TCAF1: variants seen among roughly 807,000 people sequenced by gnomAD.
TCAF1 encodes TRPM8 channel-associated factor 1.
TCAF1 carries 4 observed loss-of-function variants against 27.3 expected under a neutral mutation model. The observed-to-expected ratio is 0.15, with a 90% CI of 0.07 to 0.34. TCAF1 has a LOEUF of 0.34. Among genes scored for constraint, TCAF1 ranks in the 10% least tolerant of loss-of-function variants. The probability of loss-of-function intolerance (pLI) is 1.00; values close to 1 mark genes in which losing one functional copy is unlikely to be tolerated. For synonymous variants in TCAF1, 105 were observed against 167.1 expected (o/e 0.63, Z 2.87); for missense variants, 257 against 425.8 (o/e 0.60, Z 3.49).
chr7:143,889,337 A>G (rs1382473822), intron 1 of TCAF1, among the ~76,000 whole-genome samples: 1 of 152,206 alleles, frequency 6.6e-6, no homozygotes, highest in East Asian at 1.9e-4. Flanking sequence ...AAAATGATAA[A>G]AAGAAATACT....
Position 143,852,207 on chromosome 7 carries a change from T to C in TCAF1, c.*1926A>G, listed in dbSNP as rs1032910151. On this transcript the variant is annotated 3_prime_UTR_variant, in exon 9 of 9. Coordinates refer to ENST00000479870, the MANE Select transcript of TCAF1 (RefSeq NM_014719.3). ...AATTTTTTGACATATTGTTGATTTG[T>C]CTTTCTTTTTTCTTGACTAAATAAT... 1 of 151,784 alleles carries C rather than the reference T, an allele frequency of 6.6e-6. No individual in the cohort carries two copies. The highest frequency in any genetic ancestry group is 6.6e-5 in the Admixed American group (1 of 15,124). 9.4% of individuals were successfully genotyped at this position (151,784 alleles called of 1,614,324 possible). A position where few individuals can be genotyped will look rare whatever the true frequency, so the allele number is the denominator to read the frequency against.
At chr7:143,881,110 C>G (rs1489990268) in intron 1 of TCAF1, among the ~76,000 whole-genome samples, 2 of 152,138 alleles carry the variant, frequency 1.3e-5, no homozygotes, top group Non-Finnish European at 2.9e-5. Context: ...CTGGTTTTCC[C>G]TTTGAGAGAT....
intron 1 of TCAF1, among the ~76,000 whole-genome samples, chr7:143,884,040 A>T (rs1325545734): frequency 6.6e-6 from 1 of 152,166 alleles, no homozygotes; most frequent in Non-Finnish European, 1.5e-5. Context: ...TACAACGGGG[A>T]TGAGAAAAGT....
At chr7:143,899,324 A>G (rs1379666960) in intron 1 of TCAF1, among the ~76,000 whole-genome samples, 1 of 152,254 alleles carries the variant, frequency 6.6e-6, no homozygotes, top group African/African-American at 2.4e-5. Context: ...TAATAAAACT[A>G]TAGTGGTTAA....
chr7:143,887,870 T>A (rs1045008410), intron 1 of TCAF1, among the ~76,000 whole-genome samples: 3 of 152,178 alleles, frequency 2.0e-5, no homozygotes, highest in African/African-American at 7.2e-5. Context: ...ATTGTTATAT[T>A]TACATAAATA....
chr7:143,894,000 GAC>G (rs924531849), intron 1 of TCAF1, among the ~76,000 whole-genome samples: 3 of 151,520 alleles, frequency 2.0e-5, no homozygotes, highest in African/African-American at 2.4e-5. Context: ...TCAATAAAGA[GAC>G]ACAGAGAGAG....
At chr7:143,885,151 A>G (rs80164383) in intron 1 of TCAF1, 108,020 of 985,356 alleles carry the variant, frequency 0.11, 6,252 homozygotes, top group East Asian at 0.25. Flanking sequence ...CCGCCCCTGA[A>G]TTGGTCCGTG....
At chr7:143,882,716 T>C in intron 1 of TCAF1, 1 of 979,412 alleles carries the variant, frequency 1.0e-6, no homozygotes, top group Non-Finnish European at 1.2e-6. Flanking sequence ...CCTGCCAGGC[T>C]TTTGGAGAGG....
chr7:143,859,895 T>TACACAC (rs1563210943), intron 6 of TCAF1, among the ~76,000 whole-genome samples: 1 of 84,932 alleles, frequency 1.2e-5, no homozygotes, highest in African/African-American at 4.5e-5. Context: ...ATATAATATA[T>TACACAC]ATTATATAAT....
intron 1 of TCAF1, among the ~76,000 whole-genome samples, chr7:143,892,625 C>A (rs1248513809): frequency 6.6e-6 from 1 of 150,604 alleles, no homozygotes; most frequent in Non-Finnish European, 1.5e-5. Context: ...CTCACTGCAA[C>A]CTTGCTTAAA....
intron 1 of TCAF1, among the ~76,000 whole-genome samples, chr7:143,901,667 G>C (rs1814118186): frequency 6.6e-6 from 1 of 152,182 alleles, no homozygotes; most frequent in Non-Finnish European, 1.5e-5. Context: ...AAATCGCCTC[G>C]AGGGTTCCTG....
At chr7:143,895,320 C>T (rs1813821277) in intron 1 of TCAF1, among the ~76,000 whole-genome samples, 1 of 151,708 alleles carries the variant, frequency 6.6e-6, no homozygotes, top group Admixed American at 6.6e-5. Context: ...TATACTTATA[C>T]AATACTATAG....
chr7:143,859,895 T>TACA lies in TCAF1; in HGVS notation c.2167+312_2167+313insTGT, dbSNP rs1563210943. Among the ~76,000 whole-genome samples the TACA allele has an allele frequency of 7.3e-3, 619 of 84,646 alleles. 23 individuals carry two copies. The highest frequency in any genetic ancestry group is 0.015 in the East Asian group (47 of 3,224). The allele number at this position is 84,646 out of a possible 152,430, so 55.5% of individuals were successfully genotyped here. A position where few individuals can be genotyped will look rare whatever the true frequency, so the allele number is the denominator to read the frequency against. ...TACATATATACATATATATAATATATATTATATAATATATATTACGGAATA... is the reference window on the plus strand; with the variant it reads ...TACATATATACATATATATAATATATACAATTATATAATATATATTACGGAATA... On this transcript the variant is annotated intron_variant, in intron 6 of 8. Coordinates refer to ENST00000479870, the MANE Select transcript of TCAF1 (RefSeq NM_014719.3).
chr7:143,852,483 C>T lies in TCAF1; in HGVS notation c.*1650G>A, dbSNP rs1239860994. The T allele has an allele frequency of 2.6e-5, 4 of 153,424 alleles. No homozygotes were observed. Among genetic ancestry groups the T allele is most frequent in the Non-Finnish European group, 5.9e-5 (4 of 68,232 alleles). 9.5% of individuals were successfully genotyped at this position (153,424 alleles called of 1,614,324 possible). ...TTTGCTGGAGAATTTCCTCAAGATA[C>T]TTCCTCAGTAAGGGTGCAAAGGAGA... On this transcript the variant is annotated 3_prime_UTR_variant, in exon 9 of 9. Transcript: ENST00000479870.
chr7:143,869,161 C>G (rs1260135899), intron 2 of TCAF1, among the ~76,000 whole-genome samples: 1 of 150,088 alleles, frequency 6.7e-6, no homozygotes, highest in Non-Finnish European at 1.5e-5. Flanking sequence ...CAACACCATG[C>G]CCAGCTAACT....
intron 6 of TCAF1, among the ~76,000 whole-genome samples, chr7:143,859,862 T>TACATATATATATATAC (rs377600497): frequency 0.42 from 26,280 of 62,896 alleles, 6,564 homozygotes; most frequent in South Asian, 0.59. Flanking sequence ...CTGTTTTATA[T>TACATATATATATATAC]ACACATATAC....
At chr7:143,876,942 TG>T (rs1245748183) in intron 1 of TCAF1, among the ~76,000 whole-genome samples, 2 of 152,236 alleles carry the variant, frequency 1.3e-5, no homozygotes, top group African/African-American at 2.4e-5. Context: ...AGGACTTATT[TG>T]GAAAGAGGTC....
At chr7:143,860,020 T>TTATATATTATATATAATATATAA (rs1811915236) in intron 6 of TCAF1, among the ~76,000 whole-genome samples, 188 bp downstream of exon 6, 1 of 13,756 alleles carries the variant, frequency 7.3e-5, no homozygotes, top group Non-Finnish European at 1.9e-4. Flanking sequence ...ATAATATATA[T>TTATATATTATATATAATATATAA]TATATATTAT....
intron 1 of TCAF1, among the ~76,000 whole-genome samples, chr7:143,897,989 T>C (rs759973501): frequency 1.3e-5 from 2 of 152,112 alleles, no homozygotes; most frequent in Non-Finnish European, 2.9e-5. Flanking sequence ...TATATCCACA[T>C]ACAGAAATTA....
Sources: gnomAD v4.1 joint callset for allele counts (sites outside exome capture counted in the v4.1 genomes callset) on GRCh38, gnomAD v4.1.1 for gene constraint, MANE v1.5 for transcripts, NCBI Gene and HGNC (gene_info 2026-07-23, HGNC 2026-07-21) for gene names.